POLQ: variants seen among roughly 807,000 people sequenced by gnomAD.
POLQ encodes the protein DNA polymerase theta.
A neutral mutation model predicts 259.2 loss-of-function variants in POLQ; 233 were observed. The observed-to-expected ratio is 0.90, with a 90% CI of 0.81 to 1.00. The LOEUF is 1.00. Ranked by LOEUF, POLQ falls within the 50% of genes least tolerant of loss-of-function variation. The pLI is 0.00. For synonymous variants in POLQ, 1,025 were observed against 1,048.8 expected, an observed-to-expected ratio of 0.98 and a Z score of 0.44; for missense variants, 2,871 against 3,051.6, an observed-to-expected ratio of 0.94 and a Z score of 1.39.
At chr3:121,530,047 A>G (rs1375429851) in intron 6 of POLQ, among the ~76,000 whole-genome samples, 1 of 152,240 alleles carries the variant, frequency 6.6e-6, no homozygotes, top group African/African-American at 2.4e-5. Flanking sequence ...ATGGGAATAC[A>G]ATATTGAGTA....
intron 14 of POLQ, chr3:121,494,981 A>C: frequency 6.9e-6 from 5 of 722,156 alleles, no homozygotes; most frequent in Non-Finnish European, 1.1e-5. Flanking sequence ...AAAAAAAAGC[A>C]TGTAAAGATG....
intron 25 of POLQ, among the ~76,000 whole-genome samples, chr3:121,459,443 G>A (rs2047773257): frequency 6.9e-6 from 1 of 144,374 alleles, no homozygotes; most frequent in Non-Finnish European, 1.5e-5. Context: ...GTGCAGTGGC[G>A]CTATCTCGGC....
chr3:121,459,939 AT>A, intron 25 of POLQ, 110 bp downstream of exon 25: 1 of 812,294 alleles, frequency 1.2e-6, no homozygotes, highest in Non-Finnish European at 2.1e-6. Context: ...GCTTTGAAAG[AT>A]CCAAAGTTGG....
intron 7 of POLQ, among the ~76,000 whole-genome samples, chr3:121,523,890 G>A (rs1576426117): frequency 6.6e-6 from 1 of 152,030 alleles, no homozygotes; most frequent in East Asian, 1.9e-4. Flanking sequence ...ACAGAGAGTT[G>A]CCAATGTTTT....
intron 10 of POLQ, among the ~76,000 whole-genome samples, chr3:121,511,174 C>G (rs61796951): frequency 9.9e-5 from 14 of 141,756 alleles, no homozygotes; most frequent in African/African-American, 3.4e-4. Flanking sequence ...TGCAGTGAGC[C>G]GAGATTGCAC....
At chr3:121,466,050 T>C (rs2047832751) in intron 24 of POLQ, among the ~76,000 whole-genome samples, 1 of 152,036 alleles carries the variant, frequency 6.6e-6, no homozygotes, top group Admixed American at 6.5e-5. Context: ...TTGAAGGAAA[T>C]TAAAAGTGTT....
chr3:121,464,401 T>G (rs1390528953), intron 24 of POLQ, among the ~76,000 whole-genome samples: 1 of 152,070 alleles, frequency 6.6e-6, no homozygotes, highest in Non-Finnish European at 1.5e-5. Flanking sequence ...ACAATAATAA[T>G]AATAATTTTA....
chr3:121,486,776 T>C (rs1222171509), intron 16 of POLQ, among the ~76,000 whole-genome samples: 3 of 151,434 alleles, frequency 2.0e-5, no homozygotes, highest in African/African-American at 7.3e-5. Context: ...GGCAGGAGAA[T>C]TGCTTGAACT....
intron 26 of POLQ, among the ~76,000 whole-genome samples, chr3:121,446,957 T>C: frequency 6.6e-6 from 1 of 152,136 alleles, no homozygotes; most frequent in Non-Finnish European, 1.5e-5. Flanking sequence ...ACATGCAATG[T>C]TATTATTGAC....
chr3:121,449,881 GGA>G (rs2047659617), intron 25 of POLQ, among the ~76,000 whole-genome samples: 1 of 151,362 alleles, frequency 6.6e-6, no homozygotes, highest in Non-Finnish European at 1.5e-5. Flanking sequence ...AGACTTAACT[GGA>G]AAAAAAAATC....
rs1313082640 is a variant in POLQ at position 121,489,684 on chromosome 3, T to G, written c.3247A>C (p.Thr1083Pro). The stretch of plus-strand genomic sequence containing the variant: ...AATTCCGTTTTCTTCTCATCTAAGG[T>G]AAACGGGTCTTCACAAAGACTAGGA... ...SNPSLCEDPF[T>P]LDEKKTEFRN... Residue 1083 changes from threonine to proline, a missense_variant, in exon 16 of 30, where the codon ACC (threonine) becomes CCC (proline). Physicochemically the swap from Thr to Pro is conservative, Grantham distance 38. Coordinates refer to ENST00000264233, the MANE Select transcript of POLQ (RefSeq NM_199420.4). 1 of 1,613,678 alleles carries G rather than the reference T, an allele frequency of 6.2e-7. No individual in the cohort carries two copies. Among genetic ancestry groups the G allele is most frequent in the Admixed American group, 1.7e-5 (1 of 59,980 alleles).
In POLQ at chr3:121,489,774, C is replaced by T. The variant is rs1285347673; in HGVS notation, c.3157G>A (p.Asp1053Asn). The T allele has an allele frequency of 1.2e-6, 2 of 1,612,726 alleles. No individual in the cohort carries two copies. The highest frequency in any genetic ancestry group is 1.1e-5 in the South Asian group (1 of 90,718). ...KRRKHLKRSR[D>N]SSPLKDSGAC... Reference sequence around the variant, plus strand: ...CCAGAGTCTTTCAGGGGGCTGCTGTCCCTAGATCGCTTTAGATGCTTTCTA... The same window carrying T: ...CCAGAGTCTTTCAGGGGGCTGCTGTTCCTAGATCGCTTTAGATGCTTTCTA... The change falls in exon 16 of 30, where the codon GAC (aspartate) becomes AAC (asparagine). Residue 1053 changes from aspartate to asparagine, a missense_variant. Around this residue, in one of 3 missense-constraint regions of POLQ, gnomAD observed 2,080 missense variants for 2,126.0 expected, o/e 0.98. Transcript: ENST00000264233.
intron 16 of POLQ, 28 bp from the exon 17 acceptor site, chr3:121,485,212 A>C (rs776478768): frequency 6.9e-7 from 1 of 1,443,726 alleles, no homozygotes; most frequent in Non-Finnish European, 9.4e-7. Flanking sequence ...GAAACAGTTA[A>C]AAATCTCTAA....
intron 26 of POLQ, among the ~76,000 whole-genome samples, chr3:121,441,402 A>G (rs1024097673): frequency 6.6e-6 from 1 of 152,198 alleles, no homozygotes; most frequent in Admixed American, 6.6e-5. Flanking sequence ...AGGCCCCATG[A>G]TCACCCTCAG....
chr3:121,545,616 T>TA lies in POLQ; in HGVS notation c.163+98dup. 4 of 1,139,964 alleles carry TA rather than the reference T, an allele frequency of 3.5e-6. No homozygotes were observed. In the South Asian group the frequency reaches 4.7e-5, roughly 13 times the overall value. 70.6% of individuals were successfully genotyped at this position (1,139,964 alleles called of 1,614,324 possible). A position where few individuals can be genotyped will look rare whatever the true frequency, so the allele number is the denominator to read the frequency against. ...GAAGGGGAGTAGAAGCCCAATGGGGTATGCAACGAAGCAAGTCCCGTGGGG... is the reference window on the plus strand; with the variant it reads ...GAAGGGGAGTAGAAGCCCAATGGGGTAATGCAACGAAGCAAGTCCCGTGGGG... On this transcript the variant is annotated intron_variant, in intron 1 of 29. Transcript: ENST00000264233.
chr3:121,449,505 C>A, intron 25 of POLQ, 79 bp from the exon 26 acceptor site: 2 of 786,798 alleles, frequency 2.5e-6, no homozygotes, highest in South Asian at 3.0e-5. Flanking sequence ...ATGCGAATTT[C>A]GGCAAACTTT....
At chr3:121,477,857 C>T (rs547521039) in intron 19 of POLQ, among the ~76,000 whole-genome samples, 2 of 152,168 alleles carry the variant, frequency 1.3e-5, no homozygotes, top group South Asian at 2.1e-4. Flanking sequence ...GTAACCACCA[C>T]GAAAAGCAAA....
At chr3:121,538,585 C>CAAA (rs34448538) in intron 4 of POLQ, among the ~76,000 whole-genome samples, 2 of 97,052 alleles carry the variant, frequency 2.1e-5, no homozygotes, top group South Asian at 3.1e-4. Context: ...ATTCATTCAC[C>CAAA]AAAAAAAAAA....
chr3:121,536,437 A>T (rs1381813457), intron 5 of POLQ, among the ~76,000 whole-genome samples: 2 of 152,178 alleles, frequency 1.3e-5, no homozygotes, highest in Non-Finnish European at 2.9e-5. Context: ...AAGCTAGAAG[A>T]GTTGAAAGGT....
Sources: gnomAD v4.1 joint callset for allele counts (sites outside exome capture counted in the v4.1 genomes callset) on GRCh38, gnomAD v4.1.1 for gene constraint, gnomAD v4.1.1 regional missense constraint, MANE v1.5 for transcripts, NCBI Gene and HGNC (gene_info 2026-07-23, HGNC 2026-07-21) for gene names.